The following FUT5 variants were observed in gnomAD, a reference collection of about 807,000 sequenced individuals.
The protein encoded by FUT5 is fucosyltransferase 5.
Under a neutral mutation model 0.8 loss-of-function variants are expected in FUT5, and 1 was observed. That is an observed-to-expected ratio of 1.26 (90% confidence interval 0.45 to 5.99). FUT5 has a LOEUF of 5.99. Among genes scored for constraint, FUT5 ranks in the 30% most tolerant of loss-of-function variants. FUT5 has a pLI of 0.15. For synonymous variants in FUT5, 212 were observed against 225.7 expected (o/e 0.94, Z 0.54); for missense variants, 437 against 517.8 (o/e 0.84, Z 1.51).
In FUT5 at chr19:5,866,607, G is replaced by A; in HGVS notation, c.1119C>T (p.Phe373=). 6.2e-7 allele frequency: 1 copy of A among 1,613,214 alleles called. No homozygotes were observed. Among genetic ancestry groups the A allele is most frequent in the Non-Finnish European group, 8.5e-7 (1 of 1,180,004 alleles). ...YQTVRSIAAW[F]T ...CAGGCCCCATGCCGGCCTCTCAGGTGAACCAAGCCGCTATGCTGCGCACCG... is the reference window on the plus strand; with the variant it reads ...CAGGCCCCATGCCGGCCTCTCAGGTAAACCAAGCCGCTATGCTGCGCACCG... Residue 373 remains phenylalanine (F), a synonymous_variant, in exon 2 of 2, where the codon TTC becomes TTT. Coordinates refer to ENST00000588525, the MANE Select transcript of FUT5 (RefSeq NM_002034.2). This position sits in a 1 kb window ranked among gnomAD's most constrained non-coding sequence, Gnocchi z 4.9.
intron 1 of FUT5, among the ~76,000 whole-genome samples, chr19:5,868,561 G>A (rs867612900): frequency 6.6e-6 from 1 of 152,196 alleles, no homozygotes; most frequent in Non-Finnish European, 1.5e-5. Context: ...TAGGCCAGGC[G>A]TGAGGGCTCA....
At position 5,867,623 on chromosome 19, in the gene FUT5, G is replaced by A. The variant is rs763909943; in HGVS notation, c.103C>T (p.Arg35Cys). ...LVAVCFFSYL[R>C]VSRDDATGSP... ...CCAGTGGCATCGTCTCGGGACACAC[G>A]CAGGTAGGAGAAGAAACACACAGCC... The change falls in exon 2 of 2, where the codon CGT becomes TGT. Residue 35 changes from arginine (R) to cysteine (C), a missense_variant. Arg to Cys is a radical substitution (Grantham distance 180). Around this residue, in one of 2 missense-constraint regions of FUT5, gnomAD observed 261 missense variants for 242.6 expected, o/e 1.08. Coordinates refer to ENST00000588525, the MANE Select transcript of FUT5 (RefSeq NM_002034.2). This position sits in a 1 kb window ranked among gnomAD's most constrained non-coding sequence, Gnocchi z 5.0. 1.1e-5 allele frequency: 17 copies of A among 1,613,458 alleles called. No individual in the cohort carries two copies. Among genetic ancestry groups the A allele is most frequent in the Admixed American group, 6.7e-5 (4 of 60,000 alleles).
chr19:5,869,511 A>T (rs2144922369), intron 1 of FUT5, among the ~76,000 whole-genome samples: 1 of 152,028 alleles, frequency 6.6e-6, no homozygotes, highest in East Asian at 1.9e-4. Flanking sequence ...TCGGCCTCCC[A>T]AAGTGCTGGG....
rs113413068 is a variant in FUT5, at chr19:5,868,060, T to G, written c.-12-323A>C. Among the ~76,000 whole-genome samples, 986 of 152,268 alleles carry G rather than the reference T, an allele frequency of 6.5e-3. 7 individuals are homozygous for G. The highest frequency in any genetic ancestry group is 0.01 in the Non-Finnish European group (699 of 68,012). On this transcript the variant is annotated intron_variant, in intron 1 of 1. Coordinates refer to ENST00000588525, the MANE Select transcript of FUT5 (RefSeq NM_002034.2). ...CAAAGAAAAGGAAGTGCTCAGGGCT[T>G]CCAGTTTAGGCTTGATTTTCTATTC... is the stretch of plus-strand genomic sequence containing the variant.
rs749377854 is a variant in FUT5, at chr19:5,867,686, G to A, written c.40C>T (p.Arg14Cys). 1.1e-5 allele frequency: 17 copies of A among 1,613,106 alleles called. 1 individual carries two copies. Among genetic ancestry groups the A allele is most frequent in the East Asian group, 8.9e-5 (4 of 44,878 alleles). Residue 14 changes from arginine to cysteine, a missense_variant, in exon 2 of 2, where the codon CGC becomes TGC. Around this residue, in one of 2 missense-constraint regions of FUT5, gnomAD observed 261 missense variants for 242.6 expected, o/e 1.08. Transcript: ENST00000588525. The surrounding 1 kb of genome is among the most constrained non-coding windows in gnomAD (Gnocchi z 5.0). The part of the protein sequence containing the change: ...LGPAKPQWLW[R>C]RCLAGLLFQL... ...AACAGCAGCCCGGCCAGACAGCGGC[G>A]CCACAGCCACTGTGGCTTGGCTGGG...
rs201253650 is a variant in FUT5, at chr19:5,867,382, T to C, written c.344A>G (p.Gln115Arg). The C allele has an allele frequency of 3.2e-5, 51 of 1,613,812 alleles. No individual in the cohort carries two copies. The Middle Eastern group carries it at 4.9e-4, about 16-fold the overall frequency. Reference protein sequence around the residue: ...NITADSSVYPQADAVIVHHWD... With the variant: ...NITADSSVYPRADAVIVHHWD... ...GTGGTGCACGATGACCGCGTCTGCC[T>C]GTGGGTACACACTGGAGTCGGCAGT... is the stretch of plus-strand genomic sequence containing the variant. The change falls in exon 2 of 2, where the codon CAG becomes CGG. Residue 115 changes from glutamine to arginine, a missense_variant. Transcript: ENST00000588525. This position sits in a 1 kb window ranked among gnomAD's most constrained non-coding sequence, Gnocchi z 5.0.
intron 1 of FUT5, among the ~76,000 whole-genome samples, chr19:5,868,145 T>C (rs982721636): frequency 6.6e-6 from 1 of 152,064 alleles, no homozygotes; most frequent in Non-Finnish European, 1.5e-5. Flanking sequence ...AGACACACTG[T>C]CCCCGTCCTG....
At chr19:5,868,193 G>A (rs140831303) in intron 1 of FUT5, among the ~76,000 whole-genome samples, 29 of 152,234 alleles carry the variant, frequency 1.9e-4, no homozygotes, top group East Asian at 5.8e-4. Flanking sequence ...GGGGAGGATA[G>A]GAGGGAGAAT....
At position 5,867,855 on chromosome 19, in the gene FUT5, A is replaced by G; in HGVS notation, c.-12-118T>C. On this transcript the variant is annotated intron_variant, in intron 1 of 1. Transcript: ENST00000588525. This position sits in a 1 kb window ranked among gnomAD's most constrained non-coding sequence, Gnocchi z 5.0. ...ACAGCTTGTCATAAATGCCCCCAGT[A>G]CCCCTGAGTTGAGGATTGAATTTAT... 2.8e-6 allele frequency: 3 copies of G among 1,067,210 alleles called. No individual in the cohort carries two copies. The highest frequency in any genetic ancestry group is 4.2e-6 in the Non-Finnish European group (3 of 710,634). The allele number at this position is 1,067,210 out of a possible 1,614,324, so 66.1% of individuals were successfully genotyped here.
rs755710824 is a variant in FUT5 at position 5,866,898 on chromosome 19, G to A, written c.828C>T (p.Asn276=). ...CGGGCACGGCCCAGGCCTCCAGGGC[G>A]TTCCTCCACAGCTTCTCGGTGATGT... ...PDYITEKLWR[N]ALEAWAVPVV... The change falls in exon 2 of 2, where the codon AAC becomes AAT. Residue 276 remains asparagine, a synonymous_variant. Coordinates refer to ENST00000588525, the MANE Select transcript of FUT5 (RefSeq NM_002034.2). The surrounding 1 kb of genome is among the most constrained non-coding windows in gnomAD (Gnocchi z 4.9). The A allele has an allele frequency of 2.3e-5, 37 of 1,612,416 alleles. No individual in the cohort carries two copies. The highest frequency in any genetic ancestry group is 6.6e-5 in the South Asian group (6 of 90,942).
At chr19:5,870,092 AAG>A (rs1475712630) in intron 1 of FUT5, among the ~76,000 whole-genome samples, 1 of 151,610 alleles carries the variant, frequency 6.6e-6, no homozygotes, top group Non-Finnish European at 1.5e-5. Context: ...AAAAAAGAAA[AAG>A]AAAAACATTA....
chr19:5,867,092 T>A lies in FUT5; in HGVS notation c.634A>T (p.Asn212Tyr). ...KTELVAWAVS[N>Y]WKPDSARVRY... ...ACCCTGGCCGAGTCCGGCTTCCAGT[T>A]GGACACCGCCCAGGCCACCAGCTCG... is the stretch of plus-strand genomic sequence containing the variant. Residue 212 changes from asparagine to tyrosine, a missense_variant, in exon 2 of 2, where the codon AAC becomes TAC. By Grantham distance (143) the Asn-to-Tyr change is moderately radical. Around this residue, in one of 2 missense-constraint regions of FUT5, gnomAD observed 176 missense variants for 275.2 expected, o/e 0.64. Coordinates refer to ENST00000588525, the MANE Select transcript of FUT5 (RefSeq NM_002034.2). The surrounding 1 kb of genome is among the most constrained non-coding windows in gnomAD (Gnocchi z 5.0). 1.2e-6 allele frequency: 2 copies of A among 1,613,340 alleles called. No homozygotes were observed. The highest frequency in any genetic ancestry group is 1.7e-6 in the Non-Finnish European group (2 of 1,179,882).
At chr19:5,869,490 A>T (rs1026333493) in intron 1 of FUT5, among the ~76,000 whole-genome samples, 2 of 151,434 alleles carry the variant, frequency 1.3e-5, no homozygotes, top group African/African-American at 4.9e-5. Context: ...GCCTCAAATG[A>T]TCCACCTGCC....
At position 5,867,315 on chromosome 19, in the gene FUT5, G is replaced by A. The variant is rs200621532; in HGVS notation, c.411C>T (p.Pro137=). 25 of 1,613,656 alleles carry A rather than the reference G, an allele frequency of 1.5e-5. 1 individual carries two copies. In the Admixed American group the frequency reaches 3.2e-4, roughly 20 times the overall value. ...TCCAGCGCTGCCCCTGCGGCCTGGT[G>A]GGGGGCGGGAGGTTGGCACTGGGGT... ...MYNPSANLPP[P]TRPQGQRWIW... The change falls in exon 2 of 2, where the codon CCC becomes CCT. Residue 137 remains proline, a synonymous_variant. Coordinates refer to ENST00000588525, the MANE Select transcript of FUT5 (RefSeq NM_002034.2). This position sits in a 1 kb window ranked among gnomAD's most constrained non-coding sequence, Gnocchi z 5.0.
chr19:5,866,764 T>A lies in FUT5; in HGVS notation c.962A>T (p.Glu321Val). The change falls in exon 2 of 2, where the codon GAG becomes GTG. Residue 321 changes from glutamate to valine, a missense_variant. By Grantham distance (121) the Glu-to-Val change is moderately radical. Around this residue, in one of 2 missense-constraint regions of FUT5, gnomAD observed 176 missense variants for 275.2 expected, o/e 0.64. Coordinates refer to ENST00000588525, the MANE Select transcript of FUT5 (RefSeq NM_002034.2). This position sits in a 1 kb window ranked among gnomAD's most constrained non-coding sequence, Gnocchi z 4.9. ...SPKDLARYLQ[E>V]LDKDHARYLS... ...GTAGCGGGCGTGGTCCTTGTCCAGC[T>A]CCTGCAGGTACCGGGCCAGGTCCTT... 1 of 1,598,822 alleles carries A rather than the reference T, an allele frequency of 6.3e-7. No homozygotes were observed. Among genetic ancestry groups the A allele is most frequent in the Non-Finnish European group, 8.5e-7 (1 of 1,173,554 alleles).
At chr19:5,869,545 C>T (rs963905864) in intron 1 of FUT5, among the ~76,000 whole-genome samples, 14 of 152,100 alleles carry the variant, frequency 9.2e-5, no homozygotes, top group Admixed American at 5.9e-4. Context: ...GCCACCACAC[C>T]CGGCCTAAAT....
At position 5,867,717 on chromosome 19, in the gene FUT5, G is replaced by A. The variant is rs776418281; in HGVS notation, c.9C>T (p.Pro3=). 1.9e-6 allele frequency: 3 copies of A among 1,613,244 alleles called. No individual in the cohort carries two copies. The highest frequency in any genetic ancestry group is 2.5e-6 in the Non-Finnish European group (3 of 1,180,004). ...GCCACTGTGGCTTGGCTGGGCCCAGGGGATCCATGGGTCAGAGTAGCTGGG... is the reference window on the plus strand; with the variant it reads ...GCCACTGTGGCTTGGCTGGGCCCAGAGGATCCATGGGTCAGAGTAGCTGGG... MD[P]LGPAKPQWLW... The change falls in exon 2 of 2, where the codon CCC becomes CCT. Residue 3 remains proline (P), a synonymous_variant. Transcript: ENST00000588525. The surrounding 1 kb of genome is among the most constrained non-coding windows in gnomAD (Gnocchi z 5.0).
Position 5,867,716 on chromosome 19 carries a change from GGGGATCCAT to G in FUT5, c.1_9del (p.MetAspPro1_?3). The G allele has an allele frequency of 4.3e-6, 7 of 1,613,234 alleles. No individual in the cohort carries two copies. The highest frequency in any genetic ancestry group is 5.9e-6 in the Non-Finnish European group (7 of 1,180,004). ...AGCCACTGTGGCTTGGCTGGGCCCA[GGGGATCCAT>G]GGGTCAGAGTAGCTGGGAAGAGAGG... On this transcript the variant is annotated start_lost and inframe_deletion, in exon 2 of 2. Transcript: ENST00000588525. The surrounding 1 kb of genome is among the most constrained non-coding windows in gnomAD (Gnocchi z 5.0).
rs755351741 is a variant in FUT5, at chr19:5,867,671, C to T, written c.55G>A (p.Gly19Arg). Residue 19 changes from glycine to arginine, a missense_variant, in exon 2 of 2, where the codon GGG (glycine) becomes AGG (arginine). This residue lies in a region of FUT5 where 261 missense variants were observed against 242.6 expected (regional missense o/e 1.08). Coordinates refer to ENST00000588525, the MANE Select transcript of FUT5 (RefSeq NM_002034.2). The surrounding 1 kb of genome is among the most constrained non-coding windows in gnomAD (Gnocchi z 5.0). ...PQWLWRRCLAGLLFQLLVAVC... is the reference protein window; with the variant it reads ...PQWLWRRCLARLLFQLLVAVC... ...GCCACCAGCAGCTGAAACAGCAGCC[C>T]GGCCAGACAGCGGCGCCACAGCCAC... 2.0e-5 allele frequency: 32 copies of T among 1,613,076 alleles called. No homozygotes were observed. The highest frequency in any genetic ancestry group is 1.6e-4 in the Middle Eastern group (1 of 6,084).
Sources: gnomAD v4.1 joint callset for allele counts (sites outside exome capture counted in the v4.1 genomes callset) on GRCh38, gnomAD v4.1.1 for gene constraint, gnomAD v4.1.1 regional missense constraint, Gnocchi (gnomAD v3.1) non-coding constraint, MANE v1.5 for transcripts, NCBI Gene and HGNC (gene_info 2026-07-23, HGNC 2026-07-21) for gene names.